Variants in TNS3 observed in about 807,000 individuals in gnomAD.
TNS3 encodes the protein tensin 3.
TNS3 carries 45 observed loss-of-function variants against 140.9 expected under a neutral mutation model. That is an observed-to-expected ratio of 0.32 (90% CI 0.25 to 0.41). TNS3 has a LOEUF of 0.41. TNS3 is among the 10% of genes least tolerant of loss of function. TNS3 has a pLI of 1.00. For missense variants in TNS3, 1,716 were observed against 1,906.7 expected, an observed-to-expected ratio of 0.90 and a Z score of 1.86; for synonymous variants, 815 against 788.4, an observed-to-expected ratio of 1.03 and a Z score of -0.56.
rs115801473 is a variant in TNS3 at position 47,561,700 on chromosome 7, C to A, written c.-265+20351G>T. Among the ~76,000 whole-genome samples the A allele has an allele frequency of 8.9e-3, 1,359 of 152,178 alleles. 21 individuals are homozygous for A. Among genetic ancestry groups the A allele is most frequent in the African/African-American group, 0.031 (1,290 of 41,510 alleles). On this transcript the variant is annotated intron_variant, in intron 1 of 30. Coordinates refer to ENST00000311160, the MANE Select transcript of TNS3 (RefSeq NM_022748.12). Reference sequence around the variant, plus strand: ...CAACATTTTAGAATGAAAAACATGGCCACAATATTTCTCTCCCAAGACTCG... The same window carrying A: ...CAACATTTTAGAATGAAAAACATGGACACAATATTTCTCTCCCAAGACTCG...
At chr7:47,401,061 C>T (rs1022929451) in intron 13 of TNS3, 147 bp from the exon 14 acceptor site, 1 of 1,239,792 alleles carries the variant, frequency 8.1e-7, no homozygotes, top group Non-Finnish European at 1.1e-6. Flanking sequence ...GAACTTCAGC[C>T]CTGGGGCACA....
chr7:47,316,755 G>GC (rs1160128513), intron 20 of TNS3, among the ~76,000 whole-genome samples: 5 of 142,604 alleles, frequency 3.5e-5, no homozygotes, highest in South Asian at 2.2e-4. Flanking sequence ...TCCAGCCTGG[G>GC]CAACAGAGCG....
intron 4 of TNS3, among the ~76,000 whole-genome samples, chr7:47,474,920 C>T (rs1797127771): frequency 6.6e-6 from 1 of 150,702 alleles, no homozygotes; most frequent in African/African-American, 2.4e-5. Context: ...AAACACCTCA[C>T]ACACACAGGT....
intron 23 of TNS3, among the ~76,000 whole-genome samples, chr7:47,301,722 C>T (rs371230665): frequency 2.6e-5 from 4 of 151,806 alleles, no homozygotes; most frequent in African/African-American, 9.7e-5. Context: ...AGTCCACAAC[C>T]GGGTCTCATT....
In TNS3 at chr7:47,461,430, G is replaced by A. The variant is rs1036155497; in HGVS notation, c.-75-19375C>T. Among the ~76,000 whole-genome samples, 11 of 152,146 alleles carry A rather than the reference G, an allele frequency of 7.2e-5. 1 individual carries two copies. The highest frequency in any genetic ancestry group is 1.6e-4 in the Non-Finnish European group (11 of 68,032). The stretch of plus-strand genomic sequence containing the variant: ...CTGGGCTCCACAATGGAGCACTAGA[G>A]AATTGGCTGTCCCCGCTCCCACTGA... On this transcript the variant is annotated intron_variant, in intron 4 of 30. Transcript: ENST00000311160.
At chr7:47,553,612 C>T (rs1186174939) in intron 1 of TNS3, among the ~76,000 whole-genome samples, 1 of 152,154 alleles carries the variant, frequency 6.6e-6, no homozygotes, top group Admixed American at 6.5e-5. Flanking sequence ...ACTGTGGAGA[C>T]ACTACTGCTC....
At chr7:47,445,183 C>T (rs1348453167) in intron 4 of TNS3, among the ~76,000 whole-genome samples, 2 of 152,196 alleles carry the variant, frequency 1.3e-5, no homozygotes, top group East Asian at 1.9e-4. Flanking sequence ...AAATCCCCAG[C>T]CCCAGACCCG....
chr7:47,345,361 C>T (rs182249313), intron 18 of TNS3, among the ~76,000 whole-genome samples: 28 of 152,134 alleles, frequency 1.8e-4, no homozygotes, highest in African/African-American at 6.3e-4. Context: ...CAATATTAAG[C>T]GAAAAAGCTG....
intron 8 of TNS3, among the ~76,000 whole-genome samples, chr7:47,434,126 G>C (rs1795059429): frequency 6.6e-6 from 1 of 152,080 alleles, no homozygotes; most frequent in Non-Finnish European, 1.5e-5. Flanking sequence ...GAAGTTTTCT[G>C]CACATCAAGT....
chr7:47,576,058 G>A (rs1162236198), intron 1 of TNS3, among the ~76,000 whole-genome samples: 2 of 152,004 alleles, frequency 1.3e-5, no homozygotes, highest in Non-Finnish European at 1.5e-5. Context: ...TCTTTCCAGA[G>A]GAGACAAACT....
intron 3 of TNS3, among the ~76,000 whole-genome samples, chr7:47,487,496 G>A (rs892610076): frequency 1.6e-4 from 24 of 152,116 alleles, no homozygotes; most frequent in African/African-American, 5.6e-4. Flanking sequence ...TTCATGTCAG[G>A]ATTCTGGAGG....
intron 2 of TNS3, among the ~76,000 whole-genome samples, chr7:47,507,778 A>G (rs1798474047): frequency 6.6e-6 from 1 of 152,166 alleles, no homozygotes; most frequent in South Asian, 2.1e-4. Context: ...ATCCCAACAC[A>G]GCCTCCTGTG....
chr7:47,412,958 G>T (rs988190059), intron 12 of TNS3, among the ~76,000 whole-genome samples: 2 of 151,898 alleles, frequency 1.3e-5, no homozygotes, highest in Non-Finnish European at 1.5e-5. Context: ...TGTTGTTGTT[G>T]TTTTCTTTTT....
At chr7:47,408,404 G>A (rs1389124991) in intron 13 of TNS3, among the ~76,000 whole-genome samples, 3 of 152,140 alleles carry the variant, frequency 2.0e-5, no homozygotes, top group Admixed American at 6.5e-5. Context: ...TTGGGCTGCG[G>A]TGCCCACTAC....
intron 24 of TNS3, 33 bp downstream of exon 24, chr7:47,297,049 G>A (rs755593310): frequency 8.7e-6 from 14 of 1,613,288 alleles, no homozygotes; most frequent in Admixed American, 1.7e-5. Flanking sequence ...CTGTGGATGA[G>A]CTGAACAGAT....
Position 47,280,327 on chromosome 7 carries a change from C to T in TNS3, c.4125G>A (p.Val1375=), listed in dbSNP as rs192070793. The change falls in exon 29 of 31, where the codon GTG becomes GTA. Residue 1375 remains valine (V), a synonymous_variant. Transcript: ENST00000311160. ...CCAAGGCACAGAAAATCACACTGTT[C>T]ACGGGGTAATGCCTCCGGAAGAAGA... ...RKLFFRRHYP[V]NSVIFCALDP... is the part of the protein sequence containing the mutation. The T allele has an allele frequency of 1.9e-6, 3 of 1,614,156 alleles. No homozygotes were observed. Among genetic ancestry groups the T allele is most frequent in the African/African-American group, 1.3e-5 (1 of 75,040 alleles).
intron 1 of TNS3, among the ~76,000 whole-genome samples, chr7:47,540,192 G>A (rs1295395227): frequency 2.0e-5 from 3 of 152,052 alleles, no homozygotes; most frequent in Non-Finnish European, 2.9e-5. Context: ...AACAAAACGA[G>A]GTTCTTCCCA....
At chr7:47,295,606 CACA>C (rs1168512281) in intron 24 of TNS3, among the ~76,000 whole-genome samples, 1 of 152,202 alleles carries the variant, frequency 6.6e-6, no homozygotes, top group Admixed American at 6.5e-5. Context: ...TTCTCCCCTA[CACA>C]ACGCCTTCTC....
intron 4 of TNS3, among the ~76,000 whole-genome samples, chr7:47,471,893 A>T (rs920966535): frequency 1.3e-5 from 2 of 152,204 alleles, no homozygotes; most frequent in Admixed American, 1.3e-4. Flanking sequence ...CCATTGTATT[A>T]ATTTCCTAAG....
Sources: gnomAD v4.1 joint callset for allele counts (sites outside exome capture counted in the v4.1 genomes callset) on GRCh38, gnomAD v4.1.1 for gene constraint, MANE v1.5 for transcripts, NCBI Gene and HGNC (gene_info 2026-07-23, HGNC 2026-07-21) for gene names.